Variants in STRADB observed in about 807,000 individuals in gnomAD.
STRADB encodes the protein STE20 related adaptor beta.
STRADB carries 34 observed loss-of-function variants against 52.1 expected under a neutral mutation model. The ratio of observed to expected loss-of-function variants is 0.65; its 90% CI spans 0.50 to 0.87. The LOEUF is 0.87. STRADB is among the 40% of genes least tolerant of loss of function. The pLI, the probability that STRADB is intolerant of heterozygous loss-of-function variation, is 0.00. For synonymous variants in STRADB, 133 were observed against 174.5 expected, an observed-to-expected ratio of 0.76 and a Z score of 1.87; for missense variants, 340 against 483.9, an observed-to-expected ratio of 0.70 and a Z score of 2.79.
At chr2:201,479,127 TCTAA>T (rs987366542) in intron 10 of STRADB, 2 of 191,680 alleles carry the variant, frequency 1.0e-5, no homozygotes, top group Non-Finnish European at 2.1e-5. Context: ...TGTATCATTT[TCTAA>T]CTGATTTTTA....
chr2:201,477,866 T>G (rs1285212030), intron 8 of STRADB, 76 bp downstream of exon 8: 1 of 1,543,788 alleles, frequency 6.5e-7, no homozygotes, highest in Non-Finnish European at 8.8e-7. Context: ...AGTTGTGTCT[T>G]TATATTTGGA....
At chr2:201,479,061 A>G (rs1559469978) in intron 10 of STRADB, 1 of 183,778 alleles carries the variant, frequency 5.4e-6, no homozygotes, top group Non-Finnish European at 1.1e-5. Context: ...TGACAGAGCG[A>G]GACTCCATCT....
At chr2:201,460,796 G>A (rs1222962219) in intron 3 of STRADB, 2 of 366,912 alleles carry the variant, frequency 5.5e-6, no homozygotes, top group Admixed American at 2.5e-5. Flanking sequence ...TCCAAGTCTT[G>A]GCTATTGTCA....
At chr2:201,465,430 C>T (rs947020501) in intron 3 of STRADB, among the ~76,000 whole-genome samples, 2 of 152,136 alleles carry the variant, frequency 1.3e-5, no homozygotes. Flanking sequence ...CAGGACTCTG[C>T]CTGGTACCCT....
At chr2:201,458,958 T>G (rs1271075545) in intron 3 of STRADB, 94 bp downstream of exon 3, 1 of 1,054,084 alleles carries the variant, frequency 9.5e-7, no homozygotes, top group African/African-American at 1.6e-5. Context: ...GCCTAGGAGT[T>G]CGAGACCAGC....
At chr2:201,456,066 C>T (rs1340167393) in intron 2 of STRADB, among the ~76,000 whole-genome samples, 1 of 152,206 alleles carries the variant, frequency 6.6e-6, no homozygotes, top group Non-Finnish European at 1.5e-5. Context: ...GAGGGATCAG[C>T]AAGCTTTTCT....
At position 201,472,992 on chromosome 2, in the gene STRADB, A is replaced by T; in HGVS notation, c.231A>T (p.Ala77=). 2 of 1,612,436 alleles carry T rather than the reference A, an allele frequency of 1.2e-6. No homozygotes were observed. The highest frequency in any genetic ancestry group is 1.7e-6 in the Non-Finnish European group (2 of 1,179,488). ...ACAACTTGACTTCTGTCCATCTTGC[A>T]CGGCATACTCCCACAGGAACACTGG... ...GFDNLTSVHL[A]RHTPTGTLVT... Residue 77 remains alanine (A), a synonymous_variant, in exon 5 of 12, where the codon GCA becomes GCT. Transcript: ENST00000194530.
chr2:201,457,473 G>A (rs1357084449), intron 2 of STRADB: 1 of 152,076 alleles, frequency 6.6e-6, no homozygotes, highest in Non-Finnish European at 1.5e-5. Context: ...TAAAACAGTG[G>A]GAATATATAC....
chr2:201,467,738 C>A (rs576812915), intron 3 of STRADB, among the ~76,000 whole-genome samples: 1 of 152,318 alleles, frequency 6.6e-6, no homozygotes, highest in South Asian at 2.1e-4. Flanking sequence ...TTTACAATCA[C>A]CATTTTACAA....
chr2:201,461,061 C>T (rs1576554993), intron 3 of STRADB, among the ~76,000 whole-genome samples: 1 of 152,136 alleles, frequency 6.6e-6, no homozygotes, highest in African/African-American at 2.4e-5. Flanking sequence ...GGATAAAAGC[C>T]ATTTTAACTA....
intron 3 of STRADB, among the ~76,000 whole-genome samples, chr2:201,468,085 CTTTTTTTTTTTT>C (rs536551120): frequency 4.2e-5 from 3 of 71,036 alleles, no homozygotes; most frequent in African/African-American, 9.8e-5. Flanking sequence ...TTTTTTTTTT[CTTTTTTTTTTTT>C]TTTTTTTTTT....
Position 201,480,121 on chromosome 2 carries a change from G to C in STRADB, c.1203G>C (p.Trp401Cys), listed in dbSNP as rs188484503. Reference protein sequence around the residue: ...PSISLPPVLPWTEPECDFPDE... With the variant: ...PSISLPPVLPCTEPECDFPDE... ...TATCATTGCCTCCAGTGTTACCTTGGACTGAGCCAGAATGTGATTTTCCTG... is the reference window on the plus strand; with the variant it reads ...TATCATTGCCTCCAGTGTTACCTTGCACTGAGCCAGAATGTGATTTTCCTG... The change falls in exon 12 of 12, where the codon TGG (tryptophan) becomes TGC (cysteine). Residue 401 changes from tryptophan (W) to cysteine (C), a missense_variant. Trp to Cys is a radical substitution (Grantham distance 215, BLOSUM62 -2). Transcript: ENST00000194530. 6 of 1,613,750 alleles carry C rather than the reference G, an allele frequency of 3.7e-6. No individual in the cohort carries two copies. In the East Asian group the frequency reaches 1.1e-4, roughly 30 times the overall value.
intron 5 of STRADB, 56 bp downstream of exon 5, chr2:201,473,132 A>T: frequency 6.6e-7 from 1 of 1,504,362 alleles, no homozygotes; most frequent in East Asian, 2.4e-5. Context: ...CTGGTTCCAC[A>T]TCTGCAGATT....
intron 3 of STRADB, among the ~76,000 whole-genome samples, chr2:201,469,014 T>C (rs1952349318): frequency 6.6e-6 from 1 of 152,208 alleles, no homozygotes; most frequent in Non-Finnish European, 1.5e-5. Context: ...TCTTGAACAA[T>C]AGTCAGCCTT....
chr2:201,479,290 G>A, intron 10 of STRADB, 199 bp from the exon 11 acceptor site: 1 of 551,366 alleles, frequency 1.8e-6, no homozygotes, highest in Non-Finnish European at 3.2e-6. Flanking sequence ...GTTGAGTATG[G>A]ATTAATTGAA....
intron 2 of STRADB, among the ~76,000 whole-genome samples, chr2:201,455,923 A>C (rs1306078411): frequency 6.6e-6 from 1 of 152,226 alleles, no homozygotes; most frequent in Admixed American, 6.5e-5. Flanking sequence ...TGAAGTTAGA[A>C]GACTGGATTG....
At chr2:201,466,072 C>G (rs1010022859) in intron 3 of STRADB, among the ~76,000 whole-genome samples, 1 of 152,204 alleles carries the variant, frequency 6.6e-6, no homozygotes, top group Non-Finnish European at 1.5e-5. Flanking sequence ...AAGGTGCCTT[C>G]TTGTTTGGAT....
chr2:201,480,182 C>G lies in STRADB; in HGVS notation c.*7C>G. On this transcript the variant is annotated 3_prime_UTR_variant, in exon 12 of 12. Transcript: ENST00000194530. The stretch of plus-strand genomic sequence containing the variant: ...CTCATACTGGGAATTCTAGGGCTGC[C>G]AAATCATTTTATGTCCTATATACTT... The G allele has an allele frequency of 1.2e-6, 2 of 1,613,464 alleles. No homozygotes were observed. The highest frequency in any genetic ancestry group is 1.7e-6 in the Non-Finnish European group (2 of 1,179,636).
chr2:201,455,843 C>CAA (rs1470871301), intron 2 of STRADB, among the ~76,000 whole-genome samples: 1 of 152,136 alleles, frequency 6.6e-6, no homozygotes, highest in Admixed American at 6.5e-5. Context: ...TCCAAGATTG[C>CAA]AAAAAGTTGG....
Sources: gnomAD v4.1 joint callset for allele counts (sites outside exome capture counted in the v4.1 genomes callset) on GRCh38, gnomAD v4.1.1 for gene constraint, MANE v1.5 for transcripts, NCBI Gene and HGNC (gene_info 2026-07-23, HGNC 2026-07-21) for gene names.